The following CACNA1A variants were observed in gnomAD, a reference collection of about 807,000 sequenced individuals.
CACNA1A encodes the protein calcium voltage-gated channel subunit alpha1 A, also known as voltage-dependent P/Q-type calcium channel subunit alpha-1A.
CACNA1A carries 57 observed loss-of-function variants against 262.4 expected under a neutral mutation model. That is an observed-to-expected ratio of 0.22 (90% CI 0.18 to 0.27). The LOEUF (loss-of-function observed/expected upper bound fraction) is 0.27, where lower values mean the gene tolerates loss of function less well. Among genes scored for constraint, CACNA1A ranks in the 10% least tolerant of loss-of-function variants. The pLI is 1.00. For synonymous variants in CACNA1A, 1,431 were observed against 1,419.3 expected (o/e 1.01, Z -0.18); for missense variants, 2,526 against 3,562.8 (o/e 0.71, Z 7.41).
At chr19:13,471,965 C>T (rs1275200262) in intron 1 of CACNA1A, among the ~76,000 whole-genome samples, 1 of 152,090 alleles carries the variant, frequency 6.6e-6, no homozygotes, top group Non-Finnish European at 1.5e-5. Context: ...CACCTCAATA[C>T]AAAAATTATT....
Position 13,214,408 on chromosome 19 carries a change from C to A in CACNA1A, c.5840-75G>T. On this transcript the variant is annotated intron_variant, in intron 39 of 46. Transcript: ENST00000360228. The surrounding 1 kb of genome is among the most constrained non-coding windows in gnomAD (Gnocchi z 4.1). Reference sequence around the variant, plus strand: ...CCTTGTCCTGGGTCCCTGTGTATACCAGCCCAGGCCAACACTCTCCCCAGG... The same window carrying A: ...CCTTGTCCTGGGTCCCTGTGTATACAAGCCCAGGCCAACACTCTCCCCAGG... 1.9e-6 allele frequency: 3 copies of A among 1,545,874 alleles called. No homozygotes were observed. In the Admixed American group the frequency reaches 5.2e-5, roughly 27 times the overall value.
intron 3 of CACNA1A, among the ~76,000 whole-genome samples, chr19:13,401,384 T>C (rs1170016504): frequency 6.6e-6 from 1 of 152,160 alleles, no homozygotes; most frequent in South Asian, 2.1e-4. Context: ...CACTGAGTAG[T>C]TGTTTGCATT....
intron 6 of CACNA1A, among the ~76,000 whole-genome samples, chr19:13,352,079 TCCTGGTCTAGGAATGA>T (rs1020946774): frequency 6.6e-6 from 1 of 152,210 alleles, no homozygotes; most frequent in African/African-American, 2.4e-5. Flanking sequence ...TCTCCCTGCC[TCCTGGTCTAGGAATGA>T]CCCGAGACCT....
At chr19:13,352,059 C>G (rs149639168) in intron 6 of CACNA1A, among the ~76,000 whole-genome samples, 155 of 152,256 alleles carry the variant, frequency 1.0e-3, no homozygotes, top group African/African-American at 3.4e-3. Context: ...AAGGTTCATT[C>G]TCCTCCCTTT....
chr19:13,225,038 G>A, intron 37 of CACNA1A: 1 of 398,122 alleles, frequency 2.5e-6, no homozygotes, highest in Non-Finnish European at 4.6e-6. Context: ...GCATTTCCAG[G>A]GTTTGCCTCA....
intron 3 of CACNA1A, among the ~76,000 whole-genome samples, chr19:13,436,562 CTCACTCATTCAT>C (rs1017496043): frequency 6.6e-6 from 1 of 152,096 alleles, no homozygotes; most frequent in Non-Finnish European, 1.5e-5. Flanking sequence ...CATTCATCCA[CTCACTCATTCAT>C]TCACTCATTC....
intron 3 of CACNA1A, among the ~76,000 whole-genome samples, chr19:13,414,775 C>T (rs1256315138): frequency 2.0e-5 from 3 of 151,584 alleles, no homozygotes; most frequent in East Asian, 2.0e-4. Context: ...CTGGGCAACA[C>T]GGCGAAACTC....
At position 13,472,171 on chromosome 19, in the gene CACNA1A, A is replaced by G. The variant is rs1454201320; in HGVS notation, c.294-16959T>C. ...TTATTTGTAGTGATGGGGTCTCCCTATGTTGCCCAGGCTGGTCTTGAACTC... is the reference window on the plus strand; with the variant it reads ...TTATTTGTAGTGATGGGGTCTCCCTGTGTTGCCCAGGCTGGTCTTGAACTC... On this transcript the variant is annotated intron_variant, in intron 1 of 46. Coordinates refer to ENST00000360228, the MANE Select transcript of CACNA1A (RefSeq NM_001127222.2). 3.9e-5 allele frequency among the ~76,000 whole-genome samples: 6 copies of G among 151,954 alleles called. No individual in the cohort carries two copies. In the Middle Eastern group the frequency reaches 0.017, roughly 431 times the overall value.
At chr19:13,427,425 C>A (rs371458467) in intron 3 of CACNA1A, among the ~76,000 whole-genome samples, 15 of 150,948 alleles carry the variant, frequency 9.9e-5, no homozygotes, top group East Asian at 9.7e-4. Flanking sequence ...GCATTCCAGG[C>A]TGGGCAAGAA....
intron 3 of CACNA1A, among the ~76,000 whole-genome samples, chr19:13,433,939 G>A (rs1030260558): frequency 7.2e-5 from 11 of 152,152 alleles, no homozygotes; most frequent in African/African-American, 2.2e-4. Flanking sequence ...ATTGAGTGTG[G>A]CAGTTAAGAG....
chr19:13,313,253 G>A (rs1462166193), intron 11 of CACNA1A, among the ~76,000 whole-genome samples: 1 of 152,082 alleles, frequency 6.6e-6, no homozygotes, highest in Non-Finnish European at 1.5e-5. Context: ...TGTAATCCCA[G>A]CACTTTGGGA....
chr19:13,210,806 G>A, intron 43 of CACNA1A, 154 bp from the exon 44 acceptor site: 1 of 819,608 alleles, frequency 1.2e-6, no homozygotes, highest in Non-Finnish European at 2.0e-6. Flanking sequence ...GAGAAGGCAG[G>A]GAGGAAAAGA....
chr19:13,416,366 G>A (rs948557221), intron 3 of CACNA1A, among the ~76,000 whole-genome samples: 1 of 152,304 alleles, frequency 6.6e-6, no homozygotes, highest in Admixed American at 6.5e-5. Context: ...GCTTACCAAA[G>A]TGTTGGGATT....
intron 30 of CACNA1A, among the ~76,000 whole-genome samples, chr19:13,246,771 G>A (rs1431270872): frequency 6.6e-6 from 1 of 152,072 alleles, no homozygotes; most frequent in Admixed American, 6.5e-5. Context: ...GACTACAGGC[G>A]CCCACCACCA....
chr19:13,333,301 A>G (rs901039900), intron 8 of CACNA1A, among the ~76,000 whole-genome samples: 1 of 152,032 alleles, frequency 6.6e-6, no homozygotes, highest in Non-Finnish European at 1.5e-5. Context: ...GGGCCTTTGC[A>G]CTTGCTGTCT....
chr19:13,319,932 C>T (rs572209585), intron 10 of CACNA1A, among the ~76,000 whole-genome samples: 9 of 152,148 alleles, frequency 5.9e-5, no homozygotes, highest in East Asian at 1.9e-4. Flanking sequence ...TGCTCTGGGC[C>T]GCCACATTGC....
At chr19:13,420,677 G>T (rs1449379054) in intron 3 of CACNA1A, among the ~76,000 whole-genome samples, 1 of 152,100 alleles carries the variant, frequency 6.6e-6, no homozygotes, top group Non-Finnish European at 1.5e-5. Flanking sequence ...CCAGAACTAA[G>T]AGAAAATAAA....
chr19:13,431,535 C>CTGTAATT (rs2060504043), intron 3 of CACNA1A, among the ~76,000 whole-genome samples: 1 of 151,872 alleles, frequency 6.6e-6, no homozygotes, highest in Non-Finnish European at 1.5e-5. Context: ...TTTGGAGGAG[C>CTGTAATT]TGTAATCCCT....
In CACNA1A at chr19:13,262,804, G is replaced by A. The variant is rs772712782; in HGVS notation, c.4019C>T (p.Thr1340Met). ...CCGGAGGACTCGGAGGGATTTAATC[G>A]TGTTGATGTCTTTTCCTTTGCTATT... ...TGNSKGKDINTIKSLRVLRVL... is the reference protein window; with the variant it reads ...TGNSKGKDINMIKSLRVLRVL... Residue 1340 changes from threonine to methionine, a missense_variant, in exon 25 of 47, where the codon ACG becomes ATG. Physicochemically the swap from Thr to Met is moderately conservative, Grantham distance 81. Coordinates refer to ENST00000360228, the MANE Select transcript of CACNA1A (RefSeq NM_001127222.2). 1 of 1,613,140 alleles carries A rather than the reference G, an allele frequency of 6.2e-7. No individual in the cohort carries two copies. Among genetic ancestry groups the A allele is most frequent in the Non-Finnish European group, 8.5e-7 (1 of 1,179,298 alleles).
Sources: gnomAD v4.1 joint callset for allele counts (sites outside exome capture counted in the v4.1 genomes callset) on GRCh38, gnomAD v4.1.1 for gene constraint, Gnocchi (gnomAD v3.1) non-coding constraint, MANE v1.5 for transcripts, NCBI Gene and HGNC (gene_info 2026-07-23, HGNC 2026-07-21) for gene names.